Variants in SYCP1 observed in about 807,000 individuals in gnomAD.
The protein encoded by SYCP1 is cancer/testis antigen 8.
SYCP1 carries 64 observed loss-of-function variants against 153.1 expected under a neutral mutation model. The observed-to-expected ratio is 0.42, with a 90% CI of 0.34 to 0.51. The LOEUF is 0.51. SYCP1 is among the 20% of genes least tolerant of loss of function. The pLI, the probability that SYCP1 is intolerant of heterozygous loss-of-function variation, is 0.06. For missense variants in SYCP1, 997 were observed against 1,049.0 expected (o/e 0.95, Z 0.68); for synonymous variants, 384 against 341.8 (o/e 1.12, Z -1.36).
rs540724583 is a variant in SYCP1 at position 114,968,331 on chromosome 1, T to C, written c.2323-9226T>C. Among the ~76,000 whole-genome samples, 13 of 152,360 alleles carry C rather than the reference T, an allele frequency of 8.5e-5. No homozygotes were observed. In the South Asian group the frequency reaches 2.7e-3, roughly 32 times the overall value. On this transcript the variant is annotated intron_variant, in intron 27 of 31. Coordinates refer to ENST00000369522, the MANE Select transcript of SYCP1 (RefSeq NM_003176.4). ...CAGGTACACCAATCAAATGTTGGTT[T>C]GGTCTTTTCACATAGTCCCATATTT...
rs560953585 is a variant in SYCP1 at position 114,940,449 on chromosome 1, C to T, written c.1927-3890C>T. On this transcript the variant is annotated intron_variant, in intron 23 of 31. Coordinates refer to ENST00000369522, the MANE Select transcript of SYCP1 (RefSeq NM_003176.4). The stretch of plus-strand genomic sequence containing the variant: ...TAATTTTCAGTCTTTCTAATGTACA[C>T]ATTTCAATGCTGTAAATTTCCCACT... Among the ~76,000 whole-genome samples, 3 of 152,252 alleles carry T rather than the reference C, an allele frequency of 2.0e-5. No homozygotes were observed. The East Asian group carries it at 5.8e-4, about 29-fold the overall frequency.
chr1:114,915,876 C>T (rs925947536), intron 20 of SYCP1, among the ~76,000 whole-genome samples: 1 of 152,160 alleles, frequency 6.6e-6, no homozygotes, highest in Admixed American at 6.6e-5. Flanking sequence ...CCAAGGGTCT[C>T]TGTCTGCAAG....
At chr1:114,971,616 C>T (rs1478712888) in intron 27 of SYCP1, among the ~76,000 whole-genome samples, 2 of 152,068 alleles carry the variant, frequency 1.3e-5, no homozygotes, top group Non-Finnish European at 2.9e-5. Context: ...TCCTTCTATA[C>T]CCAGTTTTAT....
At chr1:114,916,649 G>GT (rs57260757) in intron 20 of SYCP1, among the ~76,000 whole-genome samples, 14,316 of 142,796 alleles carry the variant, frequency 0.1, 1,244 homozygotes, top group African/African-American at 0.23. Flanking sequence ...ATCTTTTGAG[G>GT]TTTTTTTTTT....
intron 16 of SYCP1, among the ~76,000 whole-genome samples, chr1:114,903,771 G>A (rs558493722): frequency 6.6e-6 from 1 of 152,254 alleles, no homozygotes; most frequent in East Asian, 1.9e-4. Context: ...AGATGATGGT[G>A]GCTTAGTCTG....
In SYCP1 at chr1:114,967,441, T is replaced by A. The variant is rs368699349; in HGVS notation, c.2323-10116T>A. Reference sequence around the variant, plus strand: ...CCATTATGTAATGCCCTTCTTTGTCTTTTTTGATCTTTGTTGGTTTAAAGT... The same window carrying A: ...CCATTATGTAATGCCCTTCTTTGTCATTTTTGATCTTTGTTGGTTTAAAGT... On this transcript the variant is annotated intron_variant, in intron 27 of 31. Transcript: ENST00000369522. Among the ~76,000 whole-genome samples the A allele has an allele frequency of 1.1e-4, 17 of 152,364 alleles. No individual in the cohort carries two copies. The East Asian group carries it at 3.1e-3, about 28-fold the overall frequency.
At chr1:114,896,913 CAG>C (rs1667109818) in intron 16 of SYCP1, among the ~76,000 whole-genome samples, 1 of 152,066 alleles carries the variant, frequency 6.6e-6, no homozygotes, top group Admixed American at 6.6e-5. Context: ...AAAAGGGAAA[CAG>C]GGACTGTCAG....
intron 30 of SYCP1, among the ~76,000 whole-genome samples, chr1:114,986,575 C>T (rs1017129217): frequency 1.3e-5 from 2 of 151,996 alleles, no homozygotes; most frequent in Admixed American, 6.6e-5. Flanking sequence ...AAACACATTT[C>T]ACAATCAGTT....
intron 12 of SYCP1, among the ~76,000 whole-genome samples, chr1:114,880,653 C>G (rs1475089438): frequency 6.6e-6 from 1 of 152,206 alleles, no homozygotes; most frequent in African/African-American, 2.4e-5. Context: ...TAGCAACAGG[C>G]CTCTGCCTGG....
intron 16 of SYCP1, among the ~76,000 whole-genome samples, chr1:114,896,980 A>C (rs1243276882): frequency 6.6e-6 from 1 of 152,164 alleles, no homozygotes; most frequent in African/African-American, 2.4e-5. Context: ...ATCCCCAGTT[A>C]CCACACAGGA....
chr1:114,933,968 C>T (rs1479976569), intron 23 of SYCP1, among the ~76,000 whole-genome samples: 2 of 152,172 alleles, frequency 1.3e-5, no homozygotes, highest in Non-Finnish European at 2.9e-5. Flanking sequence ...GAGAATGGAA[C>T]AAAGTTGGAA....
chr1:114,955,655 C>CT (rs1455356231), intron 27 of SYCP1, among the ~76,000 whole-genome samples: 2 of 152,178 alleles, frequency 1.3e-5, no homozygotes, highest in Non-Finnish European at 2.9e-5. Context: ...CTGCACCTAT[C>CT]CAGTCAAAAT....
intron 4 of SYCP1, 69 bp downstream of exon 4, chr1:114,857,344 A>G: frequency 1.3e-6 from 2 of 1,551,828 alleles, no homozygotes; most frequent in Non-Finnish European, 1.8e-6. Flanking sequence ...AAGACGAAAA[A>G]AGTCTTTAGT....
intron 15 of SYCP1, among the ~76,000 whole-genome samples, chr1:114,892,842 C>T (rs1236599793): frequency 3.3e-5 from 5 of 151,250 alleles, no homozygotes; most frequent in Admixed American, 6.6e-5. Context: ...TATGGAGATG[C>T]GGGGGTTTTT....
chr1:114,963,365 T>C (rs1671901249), intron 27 of SYCP1, among the ~76,000 whole-genome samples: 1 of 152,206 alleles, frequency 6.6e-6, no homozygotes, highest in Non-Finnish European at 1.5e-5. Flanking sequence ...TGTTCATTTT[T>C]TTAAAAGTAT....
intron 15 of SYCP1, among the ~76,000 whole-genome samples, chr1:114,890,996 AG>A (rs1014699251): frequency 1.1e-4 from 16 of 152,192 alleles, no homozygotes; most frequent in African/African-American, 3.9e-4. Flanking sequence ...ACCGTGCTTC[AG>A]ATTACCCCCA....
chr1:114,929,162 G>A (rs1430581011), intron 23 of SYCP1, among the ~76,000 whole-genome samples: 1 of 152,028 alleles, frequency 6.6e-6, no homozygotes. Context: ...ACTGGAGGTA[G>A]GATTTCAACA....
chr1:114,944,846 A>G (rs1242456238), intron 24 of SYCP1, 26 bp from the exon 25 acceptor site: 7 of 1,419,344 alleles, frequency 4.9e-6, no homozygotes, highest in African/African-American at 4.3e-5. Flanking sequence ...ATTTTAAGAA[A>G]CTTTTTTTTT....
rs1417574356 is a variant in SYCP1, at chr1:114,987,548, C to T, written c.2703+2680C>T. On this transcript the variant is annotated intron_variant, in intron 30 of 31. Transcript: ENST00000369522. ...GGTGTGGTGGCACATGGCCTGTAGTCTAACTACTCAGGAGGCTGAGGTAGA... is the reference window on the plus strand; with the variant it reads ...GGTGTGGTGGCACATGGCCTGTAGTTTAACTACTCAGGAGGCTGAGGTAGA... 3.3e-5 allele frequency among the ~76,000 whole-genome samples: 5 copies of T among 152,030 alleles called. No individual in the cohort carries two copies. In the East Asian group the frequency reaches 5.8e-4, roughly 18 times the overall value.
Sources: allele counts gnomAD v4.1 joint callset (sites outside exome capture counted in the v4.1 genomes callset), GRCh38; gene constraint gnomAD v4.1.1; transcripts MANE v1.5; gene names NCBI Gene and HGNC (gene_info 2026-07-23, HGNC 2026-07-21).